Variants in ARHGAP22 observed in about 807,000 individuals in gnomAD.
The protein encoded by ARHGAP22 is Rho GTPase activating protein 22, also known as rho GTPase-activating protein 22.
ARHGAP22 carries 48 observed loss-of-function variants against 59.1 expected under a neutral mutation model. That is an observed-to-expected ratio of 0.81 (90% confidence interval 0.64 to 1.03). The LOEUF is 1.03. Among genes scored for constraint, ARHGAP22 ranks in the 50% least tolerant of loss-of-function variants. The pLI is 0.00. For missense variants in ARHGAP22, 1,015 were observed against 958.7 expected, an observed-to-expected ratio of 1.06 and a Z score of -0.78; for synonymous variants, 445 against 416.4, an observed-to-expected ratio of 1.07 and a Z score of -0.84.
chr10:48,551,402 G>A (rs142767487), intron 3 of ARHGAP22, among the ~76,000 whole-genome samples: 146 of 152,296 alleles, frequency 9.6e-4, no homozygotes, highest in African/African-American at 3.3e-3. Context: ...GGATGCTTAC[G>A]GCAGGAGGTG....
chr10:48,582,418 C>T (rs557771055), intron 2 of ARHGAP22, among the ~76,000 whole-genome samples: 1 of 152,270 alleles, frequency 6.6e-6, no homozygotes, highest in African/African-American at 2.4e-5. Context: ...CTGTGATGGG[C>T]GAGGCTACTA....
At chr10:48,431,638 CA>C in the ARHGAP22 span, among the ~76,000 whole-genome samples, 1 of 152,158 alleles carries the variant, frequency 6.6e-6, no homozygotes, top group East Asian at 1.9e-4. Flanking sequence ...AAATTTAGTA[CA>C]TGTAATACCA....
At chr10:48,473,720 A>G (rs1423124299) in intron 4 of ARHGAP22, among the ~76,000 whole-genome samples, 1 of 152,198 alleles carries the variant, frequency 6.6e-6, no homozygotes, top group East Asian at 1.9e-4. Context: ...GGCAGAGCCA[A>G]ATCACACCTA....
At chr10:48,555,322 T>G in intron 3 of ARHGAP22, 141 bp downstream of exon 3, 2 of 715,964 alleles carry the variant, frequency 2.8e-6, no homozygotes, top group South Asian at 4.1e-5. Context: ...TGCTGTCGAT[T>G]TGGCCCACAT....
At chr10:48,555,834 C>G (rs115169351) in intron 2 of ARHGAP22, among the ~76,000 whole-genome samples, 1 of 152,316 alleles carries the variant, frequency 6.6e-6, no homozygotes, top group African/African-American at 2.4e-5. Context: ...GCTCCCACCA[C>G]TGGGAGCGCC....
chr10:48,546,734 G>C (rs1245365820), intron 3 of ARHGAP22: 1 of 153,706 alleles, frequency 6.5e-6, no homozygotes, highest in African/African-American at 2.4e-5. Flanking sequence ...AAAGATAAAA[G>C]TGTCTCAGTC....
upstream of ARHGAP22, among the ~76,000 whole-genome samples, chr10:48,655,270 G>GC (rs1161178995): frequency 2.1e-5 from 3 of 140,218 alleles, no homozygotes; most frequent in East Asian, 6.6e-4. Context: ...GGGGGGGGGG[G>GC]GCGGGGGACG....
chr10:48,562,101 C>T (rs2057725149), intron 2 of ARHGAP22, among the ~76,000 whole-genome samples: 1 of 151,958 alleles, frequency 6.6e-6, no homozygotes, highest in African/African-American at 2.4e-5. Flanking sequence ...TGGCACGTGC[C>T]TGTAGTCCCA....
intron 3 of ARHGAP22, among the ~76,000 whole-genome samples, chr10:48,527,957 G>A (rs1702638917): frequency 6.6e-6 from 1 of 152,216 alleles, no homozygotes; most frequent in Admixed American, 6.5e-5. Flanking sequence ...AATGGGCTCT[G>A]GGAGGAGGCT....
intron 1 of ARHGAP22, among the ~76,000 whole-genome samples, chr10:48,610,871 C>T (rs779384332): frequency 6.6e-6 from 1 of 152,162 alleles, no homozygotes; most frequent in African/African-American, 2.4e-5. Context: ...CCTAAAAGAG[C>T]TAACAGCTAG....
rs181452071 is a variant in ARHGAP22 at position 48,454,914 on chromosome 10, T to C, written c.792+88A>G. 5 of 1,403,238 alleles carry C rather than the reference T, an allele frequency of 3.6e-6. No individual in the cohort carries two copies. The African/African-American group carries it at 7.2e-5, about 20-fold the overall frequency. 86.9% of individuals were successfully genotyped at this position (1,403,238 alleles called of 1,614,324 possible). On this transcript the variant is annotated intron_variant, in intron 6 of 9. Coordinates refer to ENST00000249601, the MANE Select transcript of ARHGAP22 (RefSeq NM_021226.4). Reference sequence around the variant, plus strand: ...CACAGGATCCATGTGCCATGAAAATTCATGAAAAGTCAGAGTCTGTGTCCT... The same window carrying C: ...CACAGGATCCATGTGCCATGAAAATCCATGAAAAGTCAGAGTCTGTGTCCT...
At chr10:48,451,812 C>T (rs1252033570) in intron 8 of ARHGAP22, among the ~76,000 whole-genome samples, 3 of 151,330 alleles carry the variant, frequency 2.0e-5, no homozygotes, top group Non-Finnish European at 2.9e-5. Context: ...AAATCCCACA[C>T]ACATAAAATT....
intron 9 of ARHGAP22, among the ~76,000 whole-genome samples, chr10:48,447,956 T>C (rs2045526990): frequency 1.4e-5 from 2 of 145,322 alleles, no homozygotes; most frequent in South Asian, 2.4e-4. Flanking sequence ...TGCTGCCCCA[T>C]AGGGCCACAC....
At chr10:48,457,984 G>T (rs1397497448) in intron 5 of ARHGAP22, among the ~76,000 whole-genome samples, 1 of 151,616 alleles carries the variant, frequency 6.6e-6, no homozygotes, top group East Asian at 2.0e-4. Context: ...CCTCCCTCAG[G>T]GGTGGGTGGG....
At chr10:48,530,165 A>G (rs912716167) in intron 3 of ARHGAP22, among the ~76,000 whole-genome samples, 3 of 136,662 alleles carry the variant, frequency 2.2e-5, no homozygotes, top group Non-Finnish European at 4.6e-5. Flanking sequence ...TGAACCCAGG[A>G]GGCGGAGGTT....
chr10:48,517,737 G>A (rs1357252607), intron 3 of ARHGAP22, among the ~76,000 whole-genome samples: 1 of 152,168 alleles, frequency 6.6e-6, no homozygotes, highest in Non-Finnish European at 1.5e-5. Flanking sequence ...AAGCAGGTAG[G>A]AGGGGGTGCC....
intron 2 of ARHGAP22, among the ~76,000 whole-genome samples, chr10:48,571,707 G>T (rs978247365): frequency 6.6e-6 from 1 of 152,204 alleles, no homozygotes; most frequent in Non-Finnish European, 1.5e-5. Context: ...CCGTGGCAGG[G>T]ATCAGTGGAT....
At chr10:48,653,524 G>A (rs553642747), upstream of ARHGAP22, among the ~76,000 whole-genome samples, 5 of 152,380 alleles carry the variant, frequency 3.3e-5, no homozygotes, top group East Asian at 1.9e-4. Context: ...CACAGAGAAC[G>A]GGGCCAAACT....
chr10:48,603,641 G>T (rs924556408), intron 1 of ARHGAP22, among the ~76,000 whole-genome samples: 2 of 152,154 alleles, frequency 1.3e-5, no homozygotes, highest in African/African-American at 4.8e-5. Flanking sequence ...CTATCCCTTG[G>T]GTCATCACTA....
Sources: gnomAD v4.1 joint callset for allele counts (sites outside exome capture counted in the v4.1 genomes callset) on GRCh38, gnomAD v4.1.1 for gene constraint, MANE v1.5 for transcripts, NCBI Gene and HGNC (gene_info 2026-07-23, HGNC 2026-07-21) for gene names.